NXNL2: variants seen among roughly 807,000 people sequenced by gnomAD.
NXNL2 encodes the protein nucleoredoxin like 2.
In NXNL2, 7 loss-of-function variants were observed where a neutral mutation model predicts 11.1. The ratio of observed to expected loss-of-function variants is 0.63; its 90% CI spans 0.36 to 1.18. The LOEUF is 1.18. Ranked by LOEUF, NXNL2 falls within the 50% of genes most tolerant of loss-of-function variation. The pLI is 0.02. For missense variants in NXNL2, 233 were observed against 217.7 expected, an observed-to-expected ratio of 1.07 and a Z score of -0.44; for synonymous variants, 109 against 101.8, an observed-to-expected ratio of 1.07 and a Z score of -0.42.
downstream of NXNL2, among the ~76,000 whole-genome samples, chr9:88,577,137 G>A (rs1028897288): frequency 4.6e-5 from 7 of 152,174 alleles, no homozygotes; most frequent in Admixed American, 6.5e-5. Context: ...CACAGCTGCC[G>A]TCCAGAGAGG....
downstream of NXNL2, among the ~76,000 whole-genome samples, chr9:88,576,713 A>G (rs934560774): frequency 2.0e-5 from 3 of 152,148 alleles, no homozygotes; most frequent in Non-Finnish European, 2.9e-5. Flanking sequence ...AGCCCCTCAA[A>G]GGGAAAGGGC....
At chr9:88,583,082 G>GCAGC (rs1170083769) in intron 1 of NXNL2, among the ~76,000 whole-genome samples, 3 of 152,160 alleles carry the variant, frequency 2.0e-5, no homozygotes, top group African/African-American at 7.2e-5. Flanking sequence ...TGGCCAGTGG[G>GCAGC]CAGCCAGGCA....
chr9:88,578,281 G>C (rs578124601), downstream of NXNL2, among the ~76,000 whole-genome samples: 1 of 152,120 alleles, frequency 6.6e-6, no homozygotes, highest in East Asian at 1.9e-4. Flanking sequence ...AGGTGGAGAC[G>C]GGCACAGCGG....
intron 1 of NXNL2, among the ~76,000 whole-genome samples, chr9:88,563,207 A>C (rs7048721): frequency 0.29 from 43,759 of 152,216 alleles, 10,493 homozygotes; most frequent in East Asian, 0.79. Flanking sequence ...AATGAACAGA[A>C]ATACACATGT....
chr9:88,580,905 G>T (rs1161320357), intron 1 of NXNL2, among the ~76,000 whole-genome samples: 1 of 152,048 alleles, frequency 6.6e-6, no homozygotes, highest in Non-Finnish European at 1.5e-5. Flanking sequence ...AAAGAGTACT[G>T]GCCATGATTT....
intron 1 of NXNL2, among the ~76,000 whole-genome samples, chr9:88,536,496 A>G (rs979172752): frequency 6.6e-6 from 1 of 152,114 alleles, no homozygotes; most frequent in African/African-American, 2.4e-5. Context: ...CTATGGTGTA[A>G]GAGTCCAGAC....
At chr9:88,579,772 G>A (rs1830389074), downstream of NXNL2, among the ~76,000 whole-genome samples, 1 of 152,106 alleles carries the variant, frequency 6.6e-6, no homozygotes, top group African/African-American at 2.4e-5. Flanking sequence ...TATGCAGGGT[G>A]GCCCCAAACA....
At chr9:88,563,533 G>A (rs918163550) in intron 1 of NXNL2, among the ~76,000 whole-genome samples, 6 of 152,222 alleles carry the variant, frequency 3.9e-5, no homozygotes, top group Non-Finnish European at 5.9e-5. Flanking sequence ...TGGGCTCTCC[G>A]CTGGATTCCC....
intron 1 of NXNL2, among the ~76,000 whole-genome samples, chr9:88,570,109 T>C (rs1244354397): frequency 6.6e-6 from 1 of 151,930 alleles, no homozygotes; most frequent in African/African-American, 2.4e-5. Context: ...TTTAATTAAT[T>C]AATTTTTTTA....
chr9:88,547,402 A>AG (rs1483253791), downstream of NXNL2, among the ~76,000 whole-genome samples: 1 of 152,180 alleles, frequency 6.6e-6, no homozygotes, highest in Non-Finnish European at 1.5e-5. Context: ...AGTCACTGAG[A>AG]GAACACACGT....
In NXNL2 at chr9:88,563,202, A is replaced by G. The variant is rs116515595; in HGVS notation, c.303-7885A>G. ...CTGTTTGTGGTAATGGACACAATGAACAGAAATACACATGTATGCTCGTGC... is the reference window on the plus strand; with the variant it reads ...CTGTTTGTGGTAATGGACACAATGAGCAGAAATACACATGTATGCTCGTGC... On this transcript the variant is annotated intron_variant, in intron 1 of 2. Coordinates refer to the NXNL2 transcript ENST00000375855. Among the ~76,000 whole-genome samples the G allele has an allele frequency of 3.8e-3, 580 of 152,368 alleles. 6 individuals carry two copies. Among genetic ancestry groups the G allele is most frequent in the African/African-American group, 0.013 (550 of 41,596 alleles).
intron 1 of NXNL2, among the ~76,000 whole-genome samples, chr9:88,540,789 G>T (rs922576537): frequency 1.4e-5 from 2 of 144,522 alleles, no homozygotes; most frequent in African/African-American, 2.5e-5. Context: ...CCTGGCAGGG[G>T]TCATGCAGCC....
intron 2 of NXNL2, among the ~76,000 whole-genome samples, chr9:88,571,927 C>A (rs1157880538): frequency 6.6e-6 from 1 of 152,140 alleles, no homozygotes; most frequent in Non-Finnish European, 1.5e-5. Context: ...AGAGGGCACG[C>A]AGGGAGGGGG....
In NXNL2 at chr9:88,550,093, C is replaced by T. The variant is rs147383376; in HGVS notation, c.302+14357C>T. On this transcript the variant is annotated intron_variant, in intron 1 of 2. Coordinates refer to the NXNL2 transcript ENST00000375855. Reference sequence around the variant, plus strand: ...TCGGCCTCCCAAAGGTCTGGGATTACAGGCGTGAGCCACAGTGCCCGGCCT... The same window carrying T: ...TCGGCCTCCCAAAGGTCTGGGATTATAGGCGTGAGCCACAGTGCCCGGCCT... Among the ~76,000 whole-genome samples the T allele has an allele frequency of 4.3e-3, 658 of 152,272 alleles. 4 individuals are homozygous for T. The highest frequency in any genetic ancestry group is 0.015 in the African/African-American group (623 of 41,542).
At chr9:88,578,719 G>GC (rs887597599), downstream of NXNL2, among the ~76,000 whole-genome samples, 2 of 152,240 alleles carry the variant, frequency 1.3e-5, no homozygotes, top group African/African-American at 4.8e-5. Context: ...TGGGCGCTCA[G>GC]CCCCATCTCC....
chr9:88,580,494 C>T (rs989234043), downstream of NXNL2, among the ~76,000 whole-genome samples: 3 of 152,162 alleles, frequency 2.0e-5, no homozygotes, highest in African/African-American at 4.8e-5. Flanking sequence ...TGTCAGCCAA[C>T]AGTGGTGGGA....
chr9:88,539,265 G>T (rs910330984), intron 1 of NXNL2, among the ~76,000 whole-genome samples: 2 of 152,208 alleles, frequency 1.3e-5, no homozygotes, highest in African/African-American at 2.4e-5. Context: ...GACAGTGCTG[G>T]TCAAAGGCTG....
chr9:88,535,745 G>A lies in NXNL2; in HGVS notation c.302+9G>A. ...CACGACCCCTACCGGCAGTGAGTGG[G>A]GGTCCTGGGGGGGCGGGGGCCGCCC... On this transcript the variant is annotated intron_variant, in intron 1 of 1. Coordinates refer to ENST00000375854, the MANE Select transcript of NXNL2 (RefSeq NM_001161625.2). 1 of 1,541,410 alleles carries A rather than the reference G, an allele frequency of 6.5e-7. No homozygotes were observed. The highest frequency in any genetic ancestry group is 1.2e-5 in the South Asian group (1 of 80,714).
chr9:88,569,293 T>A (rs911082177), intron 1 of NXNL2, among the ~76,000 whole-genome samples: 5 of 152,254 alleles, frequency 3.3e-5, no homozygotes, highest in Non-Finnish European at 7.3e-5. Flanking sequence ...TTTTCACATA[T>A]GTTGTTGCTG....
Sources: allele counts gnomAD v4.1 joint callset (sites outside exome capture counted in the v4.1 genomes callset), GRCh38; gene constraint gnomAD v4.1.1; transcripts MANE v1.5; gene names NCBI Gene and HGNC (gene_info 2026-07-23, HGNC 2026-07-21).